Variants in LHFPL3 observed in about 807,000 individuals in gnomAD.
The protein encoded by LHFPL3 is LHFPL tetraspan subfamily member 3 protein.
Under a neutral mutation model 19.3 loss-of-function variants are expected in LHFPL3, and 5 were observed. The observed-to-expected ratio is 0.26, with a 90% CI of 0.14 to 0.54. The LOEUF is 0.54. Among genes scored for constraint, LHFPL3 ranks in the 20% least tolerant of loss-of-function variants. The pLI is 0.94. For missense variants in LHFPL3, 249 were observed against 307.4 expected (o/e 0.81, Z 1.42); for synonymous variants, 133 against 126.2 (o/e 1.05, Z -0.36).
At chr7:104,859,505 CCAAAAACA>C (rs1791573764) in intron 2 of LHFPL3, among the ~76,000 whole-genome samples, 1 of 151,752 alleles carries the variant, frequency 6.6e-6, no homozygotes, top group Non-Finnish European at 1.5e-5. Context: ...CCCATCTCTA[CCAAAAACA>C]CAAAAATTAG....
At chr7:104,668,035 A>G (rs188427225) in intron 1 of LHFPL3, 359 of 1,613,720 alleles carry the variant, frequency 2.2e-4, no homozygotes, top group Admixed American at 6.0e-4. Flanking sequence ...TCGCCACCCT[A>G]CACTGCTTTT....
intron 1 of LHFPL3, among the ~76,000 whole-genome samples, chr7:104,554,736 C>A (rs995801810): frequency 6.6e-6 from 1 of 152,020 alleles, no homozygotes; most frequent in African/African-American, 2.4e-5. Context: ...TTGGCTTATG[C>A]AATTATGAAG....
At chr7:104,866,172 G>C (rs926189901) in intron 2 of LHFPL3, among the ~76,000 whole-genome samples, 2 of 152,070 alleles carry the variant, frequency 1.3e-5, no homozygotes, top group Admixed American at 1.3e-4. Flanking sequence ...GTCAACTAAC[G>C]AGCAAAATAA....
intron 1 of LHFPL3, among the ~76,000 whole-genome samples, chr7:104,405,062 T>G (rs1791389617): frequency 6.6e-6 from 1 of 152,188 alleles, no homozygotes; most frequent in Admixed American, 6.5e-5. Context: ...AAGAAGTATT[T>G]GGATGAGTGT....
At chr7:104,421,890 C>G (rs544766397) in intron 1 of LHFPL3, among the ~76,000 whole-genome samples, 83 of 152,134 alleles carry the variant, frequency 5.5e-4, no homozygotes, top group Admixed American at 1.3e-3. Context: ...AAGGTGGAGC[C>G]CTCATGAATG....
chr7:104,681,983 CA>C (rs1792713157), intron 1 of LHFPL3, among the ~76,000 whole-genome samples: 1 of 152,084 alleles, frequency 6.6e-6, no homozygotes, highest in Non-Finnish European at 1.5e-5. Context: ...ATAACCGAAC[CA>C]TAGCGCATAG....
intron 1 of LHFPL3, among the ~76,000 whole-genome samples, chr7:104,631,363 A>C (rs1791638700): frequency 6.7e-6 from 1 of 150,034 alleles, no homozygotes. Flanking sequence ...ACCCAACTCT[A>C]CCCCCTCCAG....
chr7:104,548,839 A>C (rs938785465), intron 1 of LHFPL3, among the ~76,000 whole-genome samples: 9 of 152,222 alleles, frequency 5.9e-5, no homozygotes, highest in African/African-American at 2.2e-4. Context: ...ATTTGAGGCA[A>C]CTGCCATTGT....
At chr7:104,407,474 T>C (rs1201318051) in intron 1 of LHFPL3, among the ~76,000 whole-genome samples, 1 of 152,138 alleles carries the variant, frequency 6.6e-6, no homozygotes, top group African/African-American at 2.4e-5. Context: ...ATGGCCTACA[T>C]GGAGAAACCC....
intron 1 of LHFPL3, among the ~76,000 whole-genome samples, chr7:104,516,543 T>A (rs1365034808): frequency 2.6e-5 from 4 of 152,178 alleles, no homozygotes; most frequent in African/African-American, 9.7e-5. Context: ...ATTAATTAAT[T>A]GAAATCAACA....
chr7:104,851,127 T>C (rs1325802768), intron 2 of LHFPL3, among the ~76,000 whole-genome samples: 2 of 152,212 alleles, frequency 1.3e-5, no homozygotes, highest in African/African-American at 4.8e-5. Context: ...GTGTTCCAAG[T>C]CTTCAGATGG....
rs536757146 is a variant in LHFPL3, at chr7:104,907,046, C to T, written c.*831C>T. The T allele has an allele frequency of 1.3e-5, 2 of 152,640 alleles. No individual in the cohort carries two copies. Among genetic ancestry groups the T allele is most frequent in the South Asian group, 4.1e-4 (2 of 4,824 alleles). The allele number at this position is 152,640 out of a possible 1,614,324, so 9.5% of individuals were successfully genotyped here. ...AAAAAGTTCATTTTCACCTTGGAAG[C>T]TCACGTGTAATATTATAGGCTACTA... On this transcript the variant is annotated 3_prime_UTR_variant, in exon 3 of 3. Transcript: ENST00000424859.
At chr7:104,693,451 A>G (rs997122631) in intron 1 of LHFPL3, among the ~76,000 whole-genome samples, 3 of 152,060 alleles carry the variant, frequency 2.0e-5, no homozygotes, top group Non-Finnish European at 4.4e-5. Flanking sequence ...CATAATCCCT[A>G]TGTGTCATGG....
At chr7:104,718,218 C>G (rs1376115168) in intron 1 of LHFPL3, among the ~76,000 whole-genome samples, 1 of 151,982 alleles carries the variant, frequency 6.6e-6, no homozygotes, top group African/African-American at 2.4e-5. Context: ...TCTAGAGATT[C>G]GTAGAACATT....
intron 1 of LHFPL3, among the ~76,000 whole-genome samples, chr7:104,461,886 T>C (rs1482572679): frequency 6.6e-6 from 1 of 152,232 alleles, no homozygotes; most frequent in East Asian, 1.9e-4. Flanking sequence ...TCCATGAGCA[T>C]GGAATGTTTT....
chr7:104,492,405 G>A (rs1793375642), intron 1 of LHFPL3, among the ~76,000 whole-genome samples: 1 of 152,224 alleles, frequency 6.6e-6, no homozygotes, highest in Non-Finnish European at 1.5e-5. Context: ...TGAGTTTCAA[G>A]CTGGTTATCT....
At chr7:104,535,313 A>G (rs2115857422) in intron 1 of LHFPL3, among the ~76,000 whole-genome samples, 1 of 152,318 alleles carries the variant, frequency 6.6e-6, no homozygotes, top group South Asian at 2.1e-4. Context: ...AGGCAGTGTA[A>G]ATTGCCATTC....
intron 2 of LHFPL3, among the ~76,000 whole-genome samples, chr7:104,854,958 T>C (rs1791476391): frequency 6.6e-6 from 1 of 151,680 alleles, no homozygotes; most frequent in Non-Finnish European, 1.5e-5. Flanking sequence ...AACACACCTT[T>C]CTCTGCACTT....
At chr7:104,807,669 G>T (rs1012669440) in intron 2 of LHFPL3, among the ~76,000 whole-genome samples, 1 of 152,176 alleles carries the variant, frequency 6.6e-6, no homozygotes, top group Non-Finnish European at 1.5e-5. Context: ...TGATGAAGTC[G>T]CAGAAAAGAA....
Sources: gnomAD v4.1 joint callset for allele counts (sites outside exome capture counted in the v4.1 genomes callset) on GRCh38, gnomAD v4.1.1 for gene constraint, MANE v1.5 for transcripts, NCBI Gene and HGNC (gene_info 2026-07-23, HGNC 2026-07-21) for gene names.